ACTN2: variants seen among roughly 807,000 people sequenced by gnomAD.
The protein encoded by ACTN2 is alpha-actinin-2.
Under a neutral mutation model 113.8 loss-of-function variants are expected in ACTN2, and 39 were observed. That is an observed-to-expected ratio of 0.34 (90% CI 0.27 to 0.45). The LOEUF (loss-of-function observed/expected upper bound fraction) is 0.45. Ranked by LOEUF, ACTN2 falls within the 20% of genes least tolerant of loss-of-function variation. ACTN2 has a pLI of 1.00. For missense variants in ACTN2, 992 were observed against 1,177.9 expected (o/e 0.84, Z 2.31); for synonymous variants, 429 against 444.1 (o/e 0.97, Z 0.43).
intron 1 of ACTN2, among the ~76,000 whole-genome samples, chr1:236,708,434 A>G (rs563589977): frequency 9.8e-5 from 15 of 152,298 alleles, no homozygotes; most frequent in Admixed American, 7.8e-4. Context: ...ATTTGGAGGG[A>G]TATTTTCAAA....
chr1:236,725,807 C>G, intron 4 of ACTN2, 126 bp from the exon 5 acceptor site: 1 of 826,250 alleles, frequency 1.2e-6, no homozygotes, highest in Non-Finnish European at 2.1e-6. Context: ...TATGCACTTG[C>G]CGAGGCTGTA....
At chr1:236,704,345 T>G (rs1657764065) in intron 1 of ACTN2, among the ~76,000 whole-genome samples, 1 of 152,198 alleles carries the variant, frequency 6.6e-6, no homozygotes, top group South Asian at 2.1e-4. Flanking sequence ...CCTCCCACTT[T>G]CCGCCACCCT....
At chr1:236,693,769 C>G (rs74531059) in intron 1 of ACTN2, among the ~76,000 whole-genome samples, 1 of 152,056 alleles carries the variant, frequency 6.6e-6, no homozygotes, top group Non-Finnish European at 1.5e-5. Context: ...GCTGGCTTTT[C>G]TCCAAGATGC....
chr1:236,695,755 T>C (rs1011684086), intron 1 of ACTN2, among the ~76,000 whole-genome samples: 1 of 152,198 alleles, frequency 6.6e-6, no homozygotes, highest in East Asian at 1.9e-4. Flanking sequence ...GATTCTGTGG[T>C]CCTGGGAAAG....
intron 19 of ACTN2, 115 bp downstream of exon 19, chr1:236,759,904 A>G: frequency 4.5e-6 from 4 of 893,262 alleles, no homozygotes; most frequent in Non-Finnish European, 7.3e-6. Context: ...GTTCGTTTTC[A>G]TTATATAGGA....
chr1:236,687,815 C>T (rs1665930193), intron 1 of ACTN2, among the ~76,000 whole-genome samples: 1 of 152,234 alleles, frequency 6.6e-6, no homozygotes, highest in Non-Finnish European at 1.5e-5. Context: ...TCCCAAACTC[C>T]TCTCGCAGCA....
rs1657484364 is a variant in ACTN2, at chr1:236,695,910, T to C, written c.126+9111T>C. Among the ~76,000 whole-genome samples, 5 of 152,210 alleles carry C rather than the reference T, an allele frequency of 3.3e-5. No homozygotes were observed. The South Asian group carries it at 6.2e-4, about 19-fold the overall frequency. On this transcript the variant is annotated intron_variant, in intron 1 of 20. Coordinates refer to ENST00000366578, the MANE Select transcript of ACTN2 (RefSeq NM_001103.4). ...ATTATACACTGAAAACAGATTCTTA[T>C]TAGTATCCATTACAACCTTTTCATA...
chr1:236,695,390 AAAGTT>A (rs1394536003), intron 1 of ACTN2, among the ~76,000 whole-genome samples: 1 of 151,338 alleles, frequency 6.6e-6, no homozygotes, highest in Non-Finnish European at 1.5e-5. Context: ...AAAAAAAAAA[AAAGTT>A]AAGAGATGTG....
intron 18 of ACTN2, among the ~76,000 whole-genome samples, chr1:236,758,303 A>ATTTTTTTTTTTTTTTTTTTTTTTTT (rs1349813845): frequency 7.4e-6 from 1 of 135,914 alleles, no homozygotes; most frequent in African/African-American, 3.2e-5. Flanking sequence ...TTTTTTTTTA[A>ATTTTTTTTTTTTTTTTTTTTTTTTT]TGAGACGGAG....
At chr1:236,746,567 G>A (rs1049656644) in intron 12 of ACTN2, among the ~76,000 whole-genome samples, 1 of 152,076 alleles carries the variant, frequency 6.6e-6, no homozygotes. Flanking sequence ...AGAGCCGGGT[G>A]TAGTGGCACA....
chr1:236,709,250 AT>A (rs1211356012), intron 1 of ACTN2, among the ~76,000 whole-genome samples: 2 of 97,554 alleles, frequency 2.1e-5, no homozygotes, highest in East Asian at 5.3e-4. Context: ...ATATATATAT[AT>A]ATATACACAC....
intron 10 of ACTN2, among the ~76,000 whole-genome samples, chr1:236,741,045 T>TAC (rs1033827035): frequency 1.3e-5 from 2 of 152,084 alleles, no homozygotes; most frequent in Non-Finnish European, 2.9e-5. Context: ...GCTTGTTTTT[T>TAC]CTTTTTCCTT....
chr1:236,719,620 C>T (rs939177835), intron 3 of ACTN2, among the ~76,000 whole-genome samples: 2 of 152,124 alleles, frequency 1.3e-5, no homozygotes, highest in African/African-American at 4.8e-5. Context: ...GAAACCCCAT[C>T]TCTACTAAAT....
chr1:236,751,217 A>G (rs1659385289), intron 14 of ACTN2, among the ~76,000 whole-genome samples: 1 of 151,588 alleles, frequency 6.6e-6, no homozygotes, highest in Non-Finnish European at 1.5e-5. Context: ...GATTAAAAAA[A>G]ATTATTTTTT....
intron 1 of ACTN2, among the ~76,000 whole-genome samples, chr1:236,688,952 G>A (rs1665970890): frequency 2.0e-5 from 3 of 152,166 alleles, no homozygotes; most frequent in South Asian, 2.1e-4. Context: ...GATGACGTCC[G>A]TGGCGTTATA....
At chr1:236,739,108 C>T (rs1007067870) in intron 9 of ACTN2, among the ~76,000 whole-genome samples, 194 bp from the exon 10 acceptor site, 134 of 152,186 alleles carry the variant, frequency 8.8e-4, no homozygotes, top group African/African-American at 3.0e-3. Flanking sequence ...TGTTTGGTAT[C>T]GTTGGGGTGA....
chr1:236,744,898 C>T, intron 12 of ACTN2, 122 bp downstream of exon 12: 1 of 1,254,482 alleles, frequency 8.0e-7, no homozygotes, highest in Non-Finnish European at 1.1e-6. Flanking sequence ...GCACTCTGTG[C>T]AGGGATTCTC....
chr1:236,693,970 C>T (rs187510967), intron 1 of ACTN2, among the ~76,000 whole-genome samples: 1 of 152,250 alleles, frequency 6.6e-6, no homozygotes, highest in Admixed American at 6.5e-5. Flanking sequence ...TTTTAAAGAT[C>T]TCATGTCCCT....
chr1:236,759,006 G>A (rs1659630843), intron 18 of ACTN2, among the ~76,000 whole-genome samples: 1 of 152,180 alleles, frequency 6.6e-6, no homozygotes, highest in African/African-American at 2.4e-5. Context: ...TCCATCAGTC[G>A]TTCCTAAAAT....
Sources: allele counts gnomAD v4.1 joint callset (sites outside exome capture counted in the v4.1 genomes callset), GRCh38; gene constraint gnomAD v4.1.1; transcripts MANE v1.5; gene names NCBI Gene and HGNC (gene_info 2026-07-23, HGNC 2026-07-21).